Variants in PRKN observed in about 807,000 individuals in gnomAD.
PRKN encodes E3 ubiquitin-protein ligase parkin.
A neutral mutation model predicts 59.5 loss-of-function variants in PRKN; 56 were observed. The ratio of observed to expected loss-of-function variants is 0.94; its 90% CI spans 0.76 to 1.18. The LOEUF (loss-of-function observed/expected upper bound fraction) is 1.18, where lower values mean the gene tolerates loss of function less well. Ranked by LOEUF, PRKN falls within the 50% of genes most tolerant of loss-of-function variation. PRKN has a pLI of 0.00. For missense variants in PRKN, 657 were observed against 596.4 expected (o/e 1.10, Z -1.06); for synonymous variants, 250 against 222.1 (o/e 1.13, Z -1.12).
In PRKN at chr6:162,449,854, A is replaced by G. The variant is rs1016795650; in HGVS notation, c.8-6381T>C. ...TCACTAAAGAAAGCAGATTCTTGAA[A>G]AGCCATAGAAGAGTGAACAAAAAAA... is the stretch of plus-strand genomic sequence containing the variant. On this transcript the variant is annotated intron_variant, in intron 1 of 11. Transcript: ENST00000366898. 2.0e-5 allele frequency among the ~76,000 whole-genome samples: 3 copies of G among 152,218 alleles called. No homozygotes were observed. In the East Asian group the frequency reaches 5.8e-4, roughly 29 times the overall value.
rs112558225 is a variant in PRKN, at chr6:161,551,358, G to C, written c.934-2355C>G. Among the ~76,000 whole-genome samples, 293 of 152,292 alleles carry C rather than the reference G, an allele frequency of 1.9e-3. No individual in the cohort carries two copies. The highest frequency in any genetic ancestry group is 6.6e-3 in the African/African-American group (276 of 41,566). On this transcript the variant is annotated intron_variant, in intron 8 of 11. Coordinates refer to ENST00000366898, the MANE Select transcript of PRKN (RefSeq NM_004562.3). This position sits in a 1 kb window ranked among gnomAD's most constrained non-coding sequence, Gnocchi z 5.2. ...ATTACCTGCATCCTTGAAATTATTC[G>C]TAAAGCTCGACACTAGGTTAGATCT... is the stretch of plus-strand genomic sequence containing the variant.
At chr6:162,550,232 G>A (rs1289380534) in intron 1 of PRKN, among the ~76,000 whole-genome samples, 1 of 152,168 alleles carries the variant, frequency 6.6e-6, no homozygotes, top group Admixed American at 6.6e-5. Context: ...GCCTTTAGGT[G>A]GAACGAAGCC....
intron 1 of PRKN, among the ~76,000 whole-genome samples, chr6:162,456,511 C>T (rs536792615): frequency 6.6e-6 from 1 of 152,148 alleles, no homozygotes; most frequent in Non-Finnish European, 1.5e-5. Context: ...AATTCTTATA[C>T]ATGTTTTTGT....
At chr6:162,622,987 GA>G (rs1313714877) in intron 1 of PRKN, among the ~76,000 whole-genome samples, 2 of 152,052 alleles carry the variant, frequency 1.3e-5, no homozygotes, top group African/African-American at 4.8e-5. Context: ...AAACAAAACA[GA>G]AAACAAAAAC....
Position 161,356,850 on chromosome 6 carries a change from G to A in PRKN, c.1285+3238C>T, listed in dbSNP as rs1313635551. ...GCTGGCTATTGGAGTCGGACCGAGG[G>A]GCGAGATGAGGGTGGGGTGTAGATT... On this transcript the variant is annotated intron_variant, in intron 11 of 11. Coordinates refer to ENST00000366898, the MANE Select transcript of PRKN (RefSeq NM_004562.3). The surrounding 1 kb of genome is among the most constrained non-coding windows in gnomAD (Gnocchi z 7.8). Among the ~76,000 whole-genome samples the A allele has an allele frequency of 6.6e-6, 1 of 152,084 alleles. No homozygotes were observed. The highest frequency in any genetic ancestry group is 6.5e-5 in the Admixed American group (1 of 15,272).
At chr6:161,609,412 T>C (rs1295859100) in intron 7 of PRKN, among the ~76,000 whole-genome samples, 1 of 152,220 alleles carries the variant, frequency 6.6e-6, no homozygotes, top group African/African-American at 2.4e-5. Flanking sequence ...AAAATGATAC[T>C]GTTTTTTAGT....
intron 2 of PRKN, among the ~76,000 whole-genome samples, chr6:162,377,323 C>A (rs1786165889): frequency 1.3e-5 from 2 of 152,244 alleles, no homozygotes; most frequent in African/African-American, 4.8e-5. Context: ...ACTGGGCTGG[C>A]ATTAAGGAAG....
chr6:161,406,169 T>C (rs547693167), intron 9 of PRKN, among the ~76,000 whole-genome samples: 7 of 151,154 alleles, frequency 4.6e-5, no homozygotes, highest in Admixed American at 2.7e-4. Flanking sequence ...TATATACACA[T>C]ATATATACAT....
At position 161,498,855 on chromosome 6, in the gene PRKN, A is replaced by G. The variant is rs1335636287; in HGVS notation, c.1083+49999T>C. On this transcript the variant is annotated intron_variant, in intron 9 of 11. Coordinates refer to ENST00000366898, the MANE Select transcript of PRKN (RefSeq NM_004562.3). The surrounding 1 kb of genome is among the most constrained non-coding windows in gnomAD (Gnocchi z 4.2). ...TTCTAGCGGCTACATTCTATTTTTCAAGTGAAATATGCTTTGGAACACCTA... is the reference window on the plus strand; with the variant it reads ...TTCTAGCGGCTACATTCTATTTTTCGAGTGAAATATGCTTTGGAACACCTA... Among the ~76,000 whole-genome samples the G allele has an allele frequency of 6.6e-6, 1 of 152,180 alleles. No homozygotes were observed.
At chr6:161,532,973 A>G (rs1779279854) in intron 9 of PRKN, among the ~76,000 whole-genome samples, 3 of 152,222 alleles carry the variant, frequency 2.0e-5, no homozygotes, top group African/African-American at 7.2e-5. Context: ...CAGTAAGGAA[A>G]ATTTGCTATT....
Position 161,565,049 on chromosome 6 carries a change from C to T in PRKN, c.933+4306G>A, listed in dbSNP as rs143095735. On this transcript the variant is annotated intron_variant, in intron 8 of 11. Coordinates refer to ENST00000366898, the MANE Select transcript of PRKN (RefSeq NM_004562.3). The stretch of plus-strand genomic sequence containing the variant: ...CACTGGCATCTGTAACCAACTTTCC[C>T]TGTCCTCTCTCTCATCTGGGTTCTC... 3.2e-3 allele frequency among the ~76,000 whole-genome samples: 489 copies of T among 152,320 alleles called. 6 individuals are homozygous for T. The highest frequency in any genetic ancestry group is 0.011 in the African/African-American group (454 of 41,580).
chr6:161,776,539 T>C (rs1248834367), intron 7 of PRKN, among the ~76,000 whole-genome samples: 4 of 152,194 alleles, frequency 2.6e-5, no homozygotes, highest in Non-Finnish European at 5.9e-5. Flanking sequence ...CAGACTCCCA[T>C]TGAAAATGCC....
At chr6:162,445,899 C>T (rs1461907471) in intron 1 of PRKN, among the ~76,000 whole-genome samples, 2 of 151,862 alleles carry the variant, frequency 1.3e-5, no homozygotes, top group African/African-American at 4.8e-5. Flanking sequence ...CCAAAACAGA[C>T]GTGACACTCC....
intron 2 of PRKN, among the ~76,000 whole-genome samples, chr6:162,372,793 T>C (rs946546037): frequency 2.6e-5 from 4 of 152,218 alleles, no homozygotes; most frequent in African/African-American, 9.7e-5. Flanking sequence ...AAGGGGACTT[T>C]GCAGTCTGGT....
At chr6:162,502,347 G>A (rs141057735) in intron 1 of PRKN, among the ~76,000 whole-genome samples, 2,248 of 152,204 alleles carry the variant, frequency 0.015, 36 homozygotes, top group African/African-American at 0.032. Context: ...TTTTTGTAAA[G>A]ATGAGGTCTC....
intron 7 of PRKN, among the ~76,000 whole-genome samples, chr6:161,643,991 C>T (rs1458969257): frequency 1.3e-5 from 2 of 151,926 alleles, no homozygotes; most frequent in South Asian, 2.1e-4. Flanking sequence ...CACAGTTCAT[C>T]AATGCCAGAG....
chr6:161,367,855 T>C (rs1785271947), intron 10 of PRKN, among the ~76,000 whole-genome samples: 1 of 152,168 alleles, frequency 6.6e-6, no homozygotes, highest in Admixed American at 6.5e-5. Context: ...ATGTAGTAAC[T>C]GCGCATCCCT....
rs1477328837 is a variant in PRKN, at chr6:161,446,537, A to G, written c.1084-59660T>C. On this transcript the variant is annotated intron_variant, in intron 9 of 11. Coordinates refer to ENST00000366898, the MANE Select transcript of PRKN (RefSeq NM_004562.3). This position sits in a 1 kb window ranked among gnomAD's most constrained non-coding sequence, Gnocchi z 6.2. Reference sequence around the variant, plus strand: ...GCATAAAAGGAGTAGGATGTTTGTGATGGCTGAGCGTCATGGAGGAATTCA... The same window carrying G: ...GCATAAAAGGAGTAGGATGTTTGTGGTGGCTGAGCGTCATGGAGGAATTCA... 6.6e-6 allele frequency among the ~76,000 whole-genome samples: 1 copy of G among 152,194 alleles called. No individual in the cohort carries two copies. The highest frequency in any genetic ancestry group is 1.5e-5 in the Non-Finnish European group (1 of 68,028).
At chr6:162,389,613 G>C (rs1348181474) in intron 2 of PRKN, among the ~76,000 whole-genome samples, 1 of 152,146 alleles carries the variant, frequency 6.6e-6, no homozygotes, top group Non-Finnish European at 1.5e-5. Flanking sequence ...GTGTATTGCA[G>C]CAGATACTTG....
Sources: gnomAD v4.1 joint callset for allele counts (sites outside exome capture counted in the v4.1 genomes callset) on GRCh38, gnomAD v4.1.1 for gene constraint, Gnocchi (gnomAD v3.1) non-coding constraint, MANE v1.5 for transcripts, NCBI Gene and HGNC (gene_info 2026-07-23, HGNC 2026-07-21) for gene names.